SV2C: variants seen among roughly 807,000 people sequenced by gnomAD.
The protein encoded by SV2C is synaptic vesicle glycoprotein 2C.
In SV2C, 49 loss-of-function variants were observed where a neutral mutation model predicts 79.7. The ratio of observed to expected loss-of-function variants is 0.61; its 90% CI spans 0.49 to 0.78. The LOEUF (loss-of-function observed/expected upper bound fraction) is 0.78. Ranked by LOEUF, SV2C falls within the 30% of genes least tolerant of loss-of-function variation. The probability of loss-of-function intolerance (pLI) is 0.00; values close to 1 mark genes in which losing one functional copy is unlikely to be tolerated. For synonymous variants in SV2C, 334 were observed against 333.2 expected, an observed-to-expected ratio of 1.00 and a Z score of -0.03; for missense variants, 833 against 912.9, an observed-to-expected ratio of 0.91 and a Z score of 1.13.
At chr5:75,953,857 T>C in the SV2C span, among the ~76,000 whole-genome samples, 1 of 151,996 alleles carries the variant, frequency 6.6e-6, no homozygotes, top group Non-Finnish European at 1.5e-5. Flanking sequence ...CTTTCTCTTT[T>C]TTGTATCACT....
At chr5:76,078,924 G>C (rs183765606), upstream of SV2C, 78 of 546,716 alleles carry the variant, frequency 1.4e-4, 1 homozygote, top group Admixed American at 1.2e-3. Context: ...GCAAAGAAGA[G>C]ATCGACAGCC....
intron 12 of SV2C, among the ~76,000 whole-genome samples, chr5:76,321,843 GA>G (rs1748840347): frequency 6.6e-6 from 1 of 151,672 alleles, no homozygotes; most frequent in Non-Finnish European, 1.5e-5. Flanking sequence ...AATGTCTTAA[GA>G]AGTGGGATGT....
intron 2 of SV2C, among the ~76,000 whole-genome samples, chr5:76,148,258 G>A (rs557292143): frequency 1.3e-5 from 2 of 152,110 alleles, no homozygotes; most frequent in Non-Finnish European, 2.9e-5. Flanking sequence ...CAGGGCCAGT[G>A]CTCAACTGTG....
At chr5:75,957,001 C>G in the SV2C span, among the ~76,000 whole-genome samples, 1 of 151,952 alleles carries the variant, frequency 6.6e-6, no homozygotes, top group Non-Finnish European at 1.5e-5. Flanking sequence ...AGATTAAGTC[C>G]AGGCCCAAGT....
At chr5:75,859,193 G>A in the SV2C span, among the ~76,000 whole-genome samples, 4 of 152,040 alleles carry the variant, frequency 2.6e-5, no homozygotes, top group Admixed American at 6.6e-5. Context: ...TTTATTGACT[G>A]AGCCCATAAA....
At chr5:76,300,608 G>T (rs1747956833) in intron 10 of SV2C, 121 bp from the exon 11 acceptor site, 2 of 989,784 alleles carry the variant, frequency 2.0e-6, no homozygotes, top group Middle Eastern at 6.5e-4. Flanking sequence ...GCTAGCATAG[G>T]CCTGAAAGCC....
intron 4 of SV2C, among the ~76,000 whole-genome samples, chr5:76,239,784 C>T (rs1745725878): frequency 6.6e-6 from 1 of 152,154 alleles, no homozygotes; most frequent in African/African-American, 2.4e-5. Context: ...CCTGGGAAGT[C>T]ACACACTGTC....
At chr5:75,988,240 T>C in the SV2C span, among the ~76,000 whole-genome samples, 1 of 151,998 alleles carries the variant, frequency 6.6e-6, no homozygotes, top group Admixed American at 6.6e-5. Flanking sequence ...TAATAAACAT[T>C]GCCACTTGTA....
In SV2C at chr5:76,222,721, T is replaced by C. The variant is rs573042626; in HGVS notation, c.913+12834T>C. The stretch of plus-strand genomic sequence containing the variant: ...ATCTTTGCAATCTTCTGTGAATCTA[T>C]AATTAATTCAAAATAAAAAGTAGAA... On this transcript the variant is annotated intron_variant, in intron 4 of 12. Transcript: ENST00000502798. Among the ~76,000 whole-genome samples, 35 of 152,344 alleles carry C rather than the reference T, an allele frequency of 2.3e-4. 1 individual carries two copies. The South Asian group carries it at 5.8e-3, about 25-fold the overall frequency.
the SV2C span, among the ~76,000 whole-genome samples, chr5:75,998,954 G>A: frequency 0.015 from 2,305 of 152,120 alleles, 24 homozygotes; most frequent in Non-Finnish European, 0.023. Context: ...ATTTACAAAA[G>A]AAAGAGTTTT....
At chr5:76,175,390 G>A (rs908307234) in intron 2 of SV2C, among the ~76,000 whole-genome samples, 6 of 152,128 alleles carry the variant, frequency 3.9e-5, no homozygotes, top group Admixed American at 3.9e-4. Context: ...CAATTAAAAA[G>A]GGAATTTGTC....
chr5:76,346,969 C>T (rs1182843127), intron 12 of SV2C, among the ~76,000 whole-genome samples: 1 of 152,166 alleles, frequency 6.6e-6, no homozygotes, highest in African/African-American at 2.4e-5. Context: ...CAGATTTCCC[C>T]AGAAACAGAC....
At chr5:75,952,540 C>T in the SV2C span, among the ~76,000 whole-genome samples, 1 of 151,852 alleles carries the variant, frequency 6.6e-6, no homozygotes, top group Non-Finnish European at 1.5e-5. Context: ...TCAGAGCCCT[C>T]ATGAATGGCT....
the SV2C span, among the ~76,000 whole-genome samples, chr5:75,934,055 C>G: frequency 6.6e-6 from 1 of 152,136 alleles, no homozygotes; most frequent in African/African-American, 2.4e-5. Flanking sequence ...CTCATTTAAT[C>G]TCAACTATTA....
chr5:76,309,599 CAAAAAAAAAAAAA>C (rs769865757), intron 12 of SV2C, among the ~76,000 whole-genome samples: 11 of 18,714 alleles, frequency 5.9e-4, no homozygotes, highest in African/African-American at 9.0e-4. Flanking sequence ...AACTCCATCT[CAAAAAAAAAAAAA>C]AAAAAAAAAA....
At chr5:75,890,680 G>A in the SV2C span, among the ~76,000 whole-genome samples, 2 of 152,076 alleles carry the variant, frequency 1.3e-5, no homozygotes, top group Non-Finnish European at 2.9e-5. Context: ...CCCATTGCGA[G>A]GCTCCTGTGA....
the SV2C span, among the ~76,000 whole-genome samples, chr5:75,993,637 G>T: frequency 2.2e-4 from 34 of 152,018 alleles, no homozygotes; most frequent in Non-Finnish European, 4.3e-4. Flanking sequence ...CTGAAACTTT[G>T]CTTGTAGGAA....
At chr5:75,930,338 C>G in the SV2C span, among the ~76,000 whole-genome samples, 1 of 152,168 alleles carries the variant, frequency 6.6e-6, no homozygotes, top group Non-Finnish European at 1.5e-5. Flanking sequence ...ACAGAAGTTA[C>G]CAATTGTAAA....
upstream of SV2C, among the ~76,000 whole-genome samples, chr5:76,080,502 GGAA>G (rs1389719138): frequency 6.6e-6 from 1 of 152,190 alleles, no homozygotes; most frequent in African/African-American, 2.4e-5. Context: ...TACTAAAAGA[GGAA>G]GAGCAACTGA....
Sources: allele counts gnomAD v4.1 joint callset (sites outside exome capture counted in the v4.1 genomes callset), GRCh38; gene constraint gnomAD v4.1.1; transcripts MANE v1.5; gene names NCBI Gene and HGNC (gene_info 2026-07-23, HGNC 2026-07-21).